The following HMGCS2 variants were observed in gnomAD, a reference collection of about 807,000 sequenced individuals.
The protein encoded by HMGCS2 is 3-hydroxy-3-methylglutaryl-CoA synthase 2, also known as hydroxymethylglutaryl-CoA synthase, mitochondrial.
HMGCS2 carries 50 observed loss-of-function variants against 57.4 expected under a neutral mutation model. That is an observed-to-expected ratio of 0.87 (90% confidence interval 0.69 to 1.10). The LOEUF (loss-of-function observed/expected upper bound fraction) is 1.10, where lower values mean the gene tolerates loss of function less well. HMGCS2 is among the 50% of genes least tolerant of loss of function. The pLI is 0.00. For missense variants in HMGCS2, 627 were observed against 636.5 expected (o/e 0.99, Z 0.16); for synonymous variants, 254 against 245.1 (o/e 1.04, Z -0.34).
chr1:119,766,044 G>A (rs587676510), intron 1 of HMGCS2, among the ~76,000 whole-genome samples: 4 of 152,304 alleles, frequency 2.6e-5, no homozygotes, highest in African/African-American at 9.6e-5. Flanking sequence ...GGAGTCAGCA[G>A]AAGAAGGGAG....
chr1:119,759,244 A>G lies in HMGCS2; in HGVS notation c.724T>C (p.Tyr242His), dbSNP rs1652955496. The G allele has an allele frequency of 1.2e-6, 2 of 1,614,000 alleles. No homozygotes were observed. The highest frequency in any genetic ancestry group is 1.7e-6 in the Non-Finnish European group (2 of 1,179,970). The change falls in exon 4 of 10, where the codon TAC becomes CAC. Residue 242 changes from tyrosine to histidine, a missense_variant. Physicochemically the swap from Tyr to His is moderately conservative, Grantham distance 83 (BLOSUM62 2). Transcript: ENST00000369406. ...GTHMENVYDF[Y>H]KPNLASEYPI... is the part of the protein sequence containing the mutation. ...TACTCCGAGGCCAAATTTGGTTTGT[A>G]GAAGTCATACACATTCTCCATATGG...
intron 1 of HMGCS2, among the ~76,000 whole-genome samples, chr1:119,764,846 C>T (rs1653165644): frequency 6.6e-6 from 1 of 152,086 alleles, no homozygotes; most frequent in Admixed American, 6.5e-5. Context: ...ATAAAGTTTC[C>T]TTTCCTGACG....
chr1:119,755,204 C>T (rs1347534038), intron 6 of HMGCS2, among the ~76,000 whole-genome samples: 1 of 152,094 alleles, frequency 6.6e-6, no homozygotes, highest in Non-Finnish European at 1.5e-5. Flanking sequence ...GATGAGGTTT[C>T]ACCACGTTGC....
chr1:119,753,695 C>T (rs1039346440), intron 6 of HMGCS2, among the ~76,000 whole-genome samples: 4 of 152,118 alleles, frequency 2.6e-5, no homozygotes, highest in African/African-American at 9.7e-5. Flanking sequence ...AGCTTCTCCC[C>T]TCTCATGAGG....
chr1:119,757,483 G>A, intron 4 of HMGCS2, 45 bp from the exon 5 acceptor site: 1 of 1,613,704 alleles, frequency 6.2e-7, no homozygotes, highest in Non-Finnish European at 8.5e-7. Context: ...TGAGGGGCGA[G>A]CCATTTAGAT....
chr1:119,762,907 C>G (rs1203990210), intron 2 of HMGCS2, among the ~76,000 whole-genome samples: 1 of 152,100 alleles, frequency 6.6e-6, no homozygotes, highest in African/African-American at 2.4e-5. Flanking sequence ...AGAATAGGCT[C>G]TTTGATTTTT....
At chr1:119,754,058 A>ATT (rs35162300) in intron 6 of HMGCS2, among the ~76,000 whole-genome samples, 1 of 136,688 alleles carries the variant, frequency 7.3e-6, no homozygotes, top group Non-Finnish European at 1.6e-5. Context: ...CACCCAGCTA[A>ATT]TTTTTTTTTT....
chr1:119,752,537 C>CT lies in HMGCS2; in HGVS notation c.1420+11dup, dbSNP rs757696498. The CT allele has an allele frequency of 3.1e-6, 5 of 1,613,544 alleles. No individual in the cohort carries two copies. In the African/African-American group the frequency reaches 5.3e-5, roughly 17 times the overall value. ...GGGGTCTCTCTTCCTCTCTTCCTGA[C>CT]TTTTTTCTTACCCTTATGGTAGAAT... On this transcript the variant is annotated intron_variant, in intron 8 of 9. Coordinates refer to ENST00000369406, the MANE Select transcript of HMGCS2 (RefSeq NM_005518.4).
chr1:119,768,373 T>C (rs150004931), intron 1 of HMGCS2, among the ~76,000 whole-genome samples: 123 of 152,352 alleles, frequency 8.1e-4, no homozygotes, highest in African/African-American at 2.2e-3. Context: ...TTACTAACAC[T>C]GCAGTTGGCA....
Position 119,761,866 on chromosome 1 carries a change from G to A in HMGCS2, c.560-1877C>T, listed in dbSNP as rs587753267. Among the ~76,000 whole-genome samples, 9 of 152,032 alleles carry A rather than the reference G, an allele frequency of 5.9e-5. No individual in the cohort carries two copies. In the South Asian group the frequency reaches 1.5e-3, roughly 25 times the overall value. ...CAAGATTTCTTATAGTAAAAGAAAC[G>A]CAAATCAAAAACATTATAATTTTAC... On this transcript the variant is annotated intron_variant, in intron 2 of 9. Coordinates refer to ENST00000369406, the MANE Select transcript of HMGCS2 (RefSeq NM_005518.4).
At position 119,758,542 on chromosome 1, in the gene HMGCS2, T is replaced by C. The variant is rs147896252; in HGVS notation, c.850+576A>G. ...CGTGAGCCACCACTCCCTGCTTTTCTGTATTTTAAAAGGAAGATTTATTTG... is the reference window on the plus strand; with the variant it reads ...CGTGAGCCACCACTCCCTGCTTTTCCGTATTTTAAAAGGAAGATTTATTTG... On this transcript the variant is annotated intron_variant, in intron 4 of 9. Coordinates refer to ENST00000369406, the MANE Select transcript of HMGCS2 (RefSeq NM_005518.4). Among the ~76,000 whole-genome samples the C allele has an allele frequency of 6.2e-3, 949 of 152,358 alleles. 14 individuals carry two copies. The highest frequency in any genetic ancestry group is 0.022 in the African/African-American group (919 of 41,572).
At chr1:119,752,351 C>G (rs1007922333) in intron 8 of HMGCS2, among the ~76,000 whole-genome samples, 198 bp downstream of exon 8, 1 of 152,150 alleles carries the variant, frequency 6.6e-6, no homozygotes, top group Non-Finnish European at 1.5e-5. Flanking sequence ...TCCTGCCTCC[C>G]TCTTCCCAAC....
intron 9 of HMGCS2, among the ~76,000 whole-genome samples, chr1:119,750,066 C>T (rs1291567551): frequency 1.3e-5 from 2 of 152,158 alleles, no homozygotes. Flanking sequence ...TCTCCCTATC[C>T]TTGTGTCCAC....
rs369598840 is a variant in HMGCS2, at chr1:119,768,708, T to C, written c.104+33A>G. ...ATAGCAGGGAAAAACTATCTTTTACTAGTTACAAGGTGCTTCTCAGAAAGT... is the reference window on the plus strand; with the variant it reads ...ATAGCAGGGAAAAACTATCTTTTACCAGTTACAAGGTGCTTCTCAGAAAGT... On this transcript the variant is annotated intron_variant, in intron 1 of 9. Transcript: ENST00000369406. The C allele has an allele frequency of 2.2e-5, 32 of 1,448,108 alleles. No individual in the cohort carries two copies. The African/African-American group carries it at 4.0e-4, about 18-fold the overall frequency. 89.7% of individuals were successfully genotyped at this position (1,448,108 alleles called of 1,614,324 possible).
chr1:119,755,375 G>C (rs1474058605), intron 6 of HMGCS2, 52 bp downstream of exon 6: 2 of 1,550,186 alleles, frequency 1.3e-6, no homozygotes, highest in Non-Finnish European at 1.8e-6. Context: ...AGCCCACGGG[G>C]GCGGAGGCTG....
At chr1:119,753,429 AC>A in intron 6 of HMGCS2, 43 bp from the exon 7 acceptor site, 1 of 810,306 alleles carries the variant, frequency 1.2e-6, no homozygotes, top group South Asian at 1.4e-5. Context: ...ACACACACAC[AC>A]ACACACACAC....
At chr1:119,766,485 G>C (rs1196144634) in intron 1 of HMGCS2, among the ~76,000 whole-genome samples, 1 of 152,188 alleles carries the variant, frequency 6.6e-6, no homozygotes, top group Non-Finnish European at 1.5e-5. Flanking sequence ...ACAGCTGTGA[G>C]GCAAAAGTGG....
At chr1:119,763,200 A>T (rs1653103587) in intron 2 of HMGCS2, among the ~76,000 whole-genome samples, 2 of 152,158 alleles carry the variant, frequency 1.3e-5, no homozygotes, top group Non-Finnish European at 2.9e-5. Context: ...AAACTGTTAC[A>T]CTCCTCTTGA....
chr1:119,759,987 G>T lies in HMGCS2; in HGVS notation c.562C>A (p.Arg188Ser). The T allele has an allele frequency of 1.9e-6, 3 of 1,613,726 alleles. No homozygotes were observed. The highest frequency in any genetic ancestry group is 2.2e-5 in the South Asian group (2 of 90,998). The change falls in exon 3 of 10, where the codon CGT becomes AGT. Residue 188 changes from arginine (R) to serine (S), a missense_variant and splice_region_variant. Coordinates refer to ENST00000369406, the MANE Select transcript of HMGCS2 (RefSeq NM_005518.4). ...TCTCCACAGACCACCATGGCATAACGACCTGTAAAGAGAAACAAGAAATAT... is the reference window on the plus strand; with the variant it reads ...TCTCCACAGACCACCATGGCATAACTACCTGTAAAGAGAAACAAGAAATAT... The part of the protein sequence containing the change: ...NWMESSSWDG[R>S]YAMVVCGDIA...
Sources: allele counts gnomAD v4.1 joint callset (sites outside exome capture counted in the v4.1 genomes callset), GRCh38; gene constraint gnomAD v4.1.1; transcripts MANE v1.5; gene names NCBI Gene and HGNC (gene_info 2026-07-23, HGNC 2026-07-21).